The following PIWIL1 variants were observed in gnomAD, a reference collection of about 807,000 sequenced individuals.
PIWIL1 encodes piwi like RNA-mediated gene silencing 1, also known as piwi-like protein 1.
In PIWIL1, 73 loss-of-function variants were observed where a neutral mutation model predicts 114.4. The observed-to-expected ratio is 0.64, with a 90% confidence interval of 0.53 to 0.78. PIWIL1 has a LOEUF of 0.78. PIWIL1 is among the 30% of genes least tolerant of loss of function. The probability of loss-of-function intolerance (pLI) is 0.00; values close to 1 mark genes in which losing one functional copy is unlikely to be tolerated. For synonymous variants in PIWIL1, 375 were observed against 369.0 expected, an observed-to-expected ratio of 1.02 and a Z score of -0.19; for missense variants, 723 against 1,063.1, an observed-to-expected ratio of 0.68 and a Z score of 4.45.
At chr12:130,411,220 A>G in the PIWIL1 span, among the ~76,000 whole-genome samples, 1 of 152,184 alleles carries the variant, frequency 6.6e-6, no homozygotes, top group East Asian at 1.9e-4. Flanking sequence ...GCTACACTCC[A>G]TTTGTTAGTT....
At chr12:130,366,502 T>G (rs2073662733) in intron 18 of PIWIL1, 1 of 152,256 alleles carries the variant, frequency 6.6e-6, no homozygotes, top group Non-Finnish European at 1.5e-5. Flanking sequence ...TGGGGATGGG[T>G]GGCTAAAAAG....
At position 130,347,876 on chromosome 12, in the gene PIWIL1, T is replaced by TGAATTTCA. The variant is rs530584369; in HGVS notation, c.654-224_654-217dup. 2.1e-3 allele frequency among the ~76,000 whole-genome samples: 320 copies of TGAATTTCA among 152,356 alleles called. 1 individual carries two copies. Among genetic ancestry groups the TGAATTTCA allele is most frequent in the Non-Finnish European group, 3.7e-3 (251 of 68,032 alleles). ...AGAACTATTGGTGGATGCTGAAGTCTGAATTTCAGATAATTCATGTATCAT... is the reference window on the plus strand; with the variant it reads ...AGAACTATTGGTGGATGCTGAAGTCTGAATTTCAGAATTTCAGATAATTCATGTATCAT... On this transcript the variant is annotated intron_variant, in intron 6 of 20. Transcript: ENST00000245255.
the PIWIL1 span, chr12:130,419,635 G>A: frequency 2.0e-5 from 3 of 152,088 alleles, no homozygotes; most frequent in Non-Finnish European, 4.4e-5. This position sits in a 1 kb window ranked among gnomAD's most constrained non-coding sequence, Gnocchi z 4.3. Context: ...TTTCCTCCCT[G>A]GACACAAAGA....
chr12:130,381,866 T>C, the PIWIL1 span, among the ~76,000 whole-genome samples: 1 of 152,230 alleles, frequency 6.6e-6, no homozygotes, highest in East Asian at 1.9e-4. Context: ...AATGGTGTCA[T>C]ATTGTCATTT....
chr12:130,343,478 C>A (rs1010674401), intron 3 of PIWIL1, among the ~76,000 whole-genome samples: 1 of 152,076 alleles, frequency 6.6e-6, no homozygotes, highest in Admixed American at 6.6e-5. Context: ...AGGGATTATA[C>A]CTGAGAATTG....
At chr12:130,364,162 C>G (rs539968615) in intron 18 of PIWIL1, among the ~76,000 whole-genome samples, 5 of 152,266 alleles carry the variant, frequency 3.3e-5, no homozygotes, top group Admixed American at 3.3e-4. Flanking sequence ...GTATTAAGGG[C>G]TAAGTGCATA....
the PIWIL1 span, among the ~76,000 whole-genome samples, chr12:130,409,624 T>A: frequency 6.6e-6 from 1 of 152,146 alleles, no homozygotes; most frequent in African/African-American, 2.4e-5. Context: ...ATTACAGGCG[T>A]GAGCCACTGC....
Position 130,371,514 on chromosome 12 carries a change from C to T in PIWIL1, c.2502C>T (p.Tyr834=), listed in dbSNP as rs571993976. 2.7e-5 allele frequency: 44 copies of T among 1,614,142 alleles called. No individual in the cohort carries two copies. Among genetic ancestry groups the T allele is most frequent in the Middle Eastern group, 1.6e-4 (1 of 6,062 alleles). The change falls in exon 21 of 21, where the codon TAC becomes TAT. Residue 834 remains tyrosine, a synonymous_variant. Coordinates refer to ENST00000245255, the MANE Select transcript of PIWIL1 (RefSeq NM_004764.5). ...GVIRVPAPCQ[Y]AHKLAFLVGQ... ...TTCGTGTTCCTGCTCCTTGCCAGTA[C>T]GCCCACAAGCTGGCTTTTCTTGTTG... is the stretch of plus-strand genomic sequence containing the variant.
the PIWIL1 span, chr12:130,422,469 C>T: frequency 6.2e-7 from 1 of 1,611,440 alleles, no homozygotes; most frequent in African/African-American, 1.3e-5. This position sits in a 1 kb window ranked among gnomAD's most constrained non-coding sequence, Gnocchi z 5.2. Context: ...ATGGGACTGT[C>T]ACGGGCCGGG....
chr12:130,366,072 A>G (rs2073647534), intron 18 of PIWIL1, among the ~76,000 whole-genome samples: 1 of 152,226 alleles, frequency 6.6e-6, no homozygotes, highest in Admixed American at 6.5e-5. Flanking sequence ...CTAGGTCCAT[A>G]CTGTATAAAA....
At position 130,360,978 on chromosome 12, in the gene PIWIL1, C is replaced by T. The variant is rs74518629; in HGVS notation, c.1666-202C>T. Among the ~76,000 whole-genome samples the T allele has an allele frequency of 0.027, 4,037 of 152,268 alleles. 101 individuals carry two copies. Among genetic ancestry groups the T allele is most frequent in the South Asian group, 0.12 (578 of 4,818 alleles). ...TGCTTAACATGATTTATTTCCTTCA[C>T]GTGCAATTATCATTTAGTTGAACAT... is the stretch of plus-strand genomic sequence containing the variant. On this transcript the variant is annotated intron_variant, in intron 14 of 20. Transcript: ENST00000245255.
chr12:130,422,768 T>C, the PIWIL1 span, among the ~76,000 whole-genome samples: 1 of 152,206 alleles, frequency 6.6e-6, no homozygotes, highest in Non-Finnish European at 1.5e-5. This position sits in a 1 kb window ranked among gnomAD's most constrained non-coding sequence, Gnocchi z 5.2. Context: ...GCTGGGCGCA[T>C]GGTGGGGTGA....
the PIWIL1 span, among the ~76,000 whole-genome samples, chr12:130,415,252 C>A: frequency 0.29 from 44,456 of 152,074 alleles, 7,196 homozygotes; most frequent in Admixed American, 0.45. Flanking sequence ...TCAACATATG[C>A]AAATCAATAA....
chr12:130,363,497 G>A lies in PIWIL1; in HGVS notation c.2195+353G>A, dbSNP rs147370629. On this transcript the variant is annotated intron_variant, in intron 18 of 20. Transcript: ENST00000245255. The stretch of plus-strand genomic sequence containing the variant: ...ATTATTGAAATAAGTGTTCCTGACA[G>A]TCTTAGCTTACTGAATACTTGTTTC... Among the ~76,000 whole-genome samples the A allele has an allele frequency of 2.0e-5, 3 of 151,786 alleles. No homozygotes were observed. The East Asian group carries it at 5.8e-4, about 30-fold the overall frequency.
the PIWIL1 span, among the ~76,000 whole-genome samples, chr12:130,423,603 C>T: frequency 1.5e-5 from 2 of 131,800 alleles, no homozygotes; most frequent in South Asian, 4.7e-4. Flanking sequence ...GTTCTGGAAA[C>T]TGTGGGCACA....
chr12:130,420,092 G>A, the PIWIL1 span, among the ~76,000 whole-genome samples: 1 of 152,142 alleles, frequency 6.6e-6, no homozygotes, highest in South Asian at 2.1e-4. The surrounding 1 kb of genome is among the most constrained non-coding windows in gnomAD (Gnocchi z 4.3). Flanking sequence ...ATTTTCACAA[G>A]AAAAATAGAA....
the PIWIL1 span, among the ~76,000 whole-genome samples, chr12:130,413,013 C>T: frequency 6.6e-6 from 1 of 152,118 alleles, no homozygotes; most frequent in Non-Finnish European, 1.5e-5. Flanking sequence ...AGTGTTTGGA[C>T]AACCTGCCAT....
the PIWIL1 span, among the ~76,000 whole-genome samples, chr12:130,411,505 A>G: frequency 9.5e-4 from 145 of 152,266 alleles, no homozygotes; most frequent in African/African-American, 3.3e-3. Context: ...GGGCACATAG[A>G]TATATCAGGC....
At chr12:130,391,209 C>CTT in the PIWIL1 span, among the ~76,000 whole-genome samples, 1 of 152,234 alleles carries the variant, frequency 6.6e-6, no homozygotes, top group African/African-American at 2.4e-5. Flanking sequence ...TGCTGAGCCC[C>CTT]GGCTTCTCGC....
Sources: gnomAD v4.1 joint callset for allele counts (sites outside exome capture counted in the v4.1 genomes callset) on GRCh38, gnomAD v4.1.1 for gene constraint, Gnocchi (gnomAD v3.1) non-coding constraint, MANE v1.5 for transcripts, NCBI Gene and HGNC (gene_info 2026-07-23, HGNC 2026-07-21) for gene names.